The following HPCAL1 variants were observed in gnomAD, a reference collection of about 807,000 sequenced individuals.
HPCAL1 encodes hippocalcin like 1, also known as hippocalcin-like protein 1.
HPCAL1 carries 8 observed loss-of-function variants against 17.1 expected under a neutral mutation model. That is an observed-to-expected ratio of 0.47 (90% CI 0.27 to 0.84). The LOEUF is 0.84. Ranked by LOEUF, HPCAL1 falls within the 40% of genes least tolerant of loss-of-function variation. The pLI is 0.13. For missense variants in HPCAL1, 165 were observed against 271.1 expected, an observed-to-expected ratio of 0.61 and a Z score of 2.75; for synonymous variants, 112 against 111.4, an observed-to-expected ratio of 1.01 and a Z score of -0.03.
At chr2:10,333,465 T>G (rs1324104392) in intron 1 of HPCAL1, among the ~76,000 whole-genome samples, 1 of 152,106 alleles carries the variant, frequency 6.6e-6, no homozygotes, top group African/African-American at 2.4e-5. Flanking sequence ...TGCTGGCAGA[T>G]GTATCACCGT....
At chr2:10,356,433 GAGGACGGTGTGTGCC>G (rs1266696633) in intron 1 of HPCAL1, among the ~76,000 whole-genome samples, 1 of 152,146 alleles carries the variant, frequency 6.6e-6, no homozygotes, top group Non-Finnish European at 1.5e-5. Context: ...AAGCTTGAGG[GAGGACGGTGTGTGCC>G]AGGACGGTGG....
intron 1 of HPCAL1, among the ~76,000 whole-genome samples, chr2:10,361,647 C>T (rs1222773792): frequency 6.6e-6 from 1 of 152,130 alleles, no homozygotes; most frequent in Non-Finnish European, 1.5e-5. Flanking sequence ...TTGATAATCA[C>T]ATAAATAACG....
rs557167292 is a variant in HPCAL1, at chr2:10,419,662, T to G, written c.-24-72T>G. The G allele has an allele frequency of 6.9e-7, 1 of 1,441,628 alleles. No individual in the cohort carries two copies. Among genetic ancestry groups the G allele is most frequent in the East Asian group, 2.3e-5 (1 of 43,042 alleles). The allele number at this position is 1,441,628 out of a possible 1,614,324, so 89.3% of individuals were successfully genotyped here. On this transcript the variant is annotated intron_variant, in intron 2 of 4. Coordinates refer to ENST00000307845, the MANE Select transcript of HPCAL1 (RefSeq NM_002149.4). This position sits in a 1 kb window ranked among gnomAD's most constrained non-coding sequence, Gnocchi z 5.0. Reference sequence around the variant, plus strand: ...CTTGCACAGCGATGGGCTTATTTGGTCTCTCCGGCACATGGCTCAGCCCTG... The same window carrying G: ...CTTGCACAGCGATGGGCTTATTTGGGCTCTCCGGCACATGGCTCAGCCCTG...
chr2:10,369,086 G>A (rs932068905), intron 1 of HPCAL1: 3 of 152,140 alleles, frequency 2.0e-5, no homozygotes, highest in African/African-American at 2.4e-5. Flanking sequence ...GGCCACCTTC[G>A]CACTGGAACC....
intron 1 of HPCAL1, among the ~76,000 whole-genome samples, chr2:10,351,564 C>G (rs916639241): frequency 6.6e-6 from 1 of 152,070 alleles, no homozygotes; most frequent in Non-Finnish European, 1.5e-5. Context: ...TCCAGATCAG[C>G]CTGGGCAACA....
intron 1 of HPCAL1, among the ~76,000 whole-genome samples, chr2:10,321,896 T>C (rs1439976546): frequency 6.6e-6 from 1 of 152,258 alleles, no homozygotes; most frequent in Non-Finnish European, 1.5e-5. Context: ...CTGTTTTCAC[T>C]TTTGGCTATT....
chr2:10,388,657 C>G (rs1279172944), intron 1 of HPCAL1, among the ~76,000 whole-genome samples: 1 of 152,204 alleles, frequency 6.6e-6, no homozygotes, highest in Admixed American at 6.5e-5. Context: ...AGTTTTCCTA[C>G]AACAATTGTG....
chr2:10,330,563 C>T lies in HPCAL1; in HGVS notation c.-111+27386C>T, dbSNP rs77923053. On this transcript the variant is annotated intron_variant, in intron 1 of 4. Coordinates refer to ENST00000307845, the MANE Select transcript of HPCAL1 (RefSeq NM_002149.4). This position sits in a 1 kb window ranked among gnomAD's most constrained non-coding sequence, Gnocchi z 4.2. ...CACCCGAGGCCTCTCTCCTCGGCTC[C>T]GTGTAGCCCTTTCTCCCTCTGTTCT... 1.6e-3 allele frequency among the ~76,000 whole-genome samples: 246 copies of T among 152,232 alleles called. 1 individual carries two copies. Among genetic ancestry groups the T allele is most frequent in the African/African-American group, 5.2e-3 (216 of 41,528 alleles).
rs998206485 is a variant in HPCAL1, at chr2:10,362,753, G to A, written c.-110-34082G>A. On this transcript the variant is annotated intron_variant, in intron 1 of 4. Transcript: ENST00000307845. The surrounding 1 kb of genome is among the most constrained non-coding windows in gnomAD (Gnocchi z 5.0). ...TCCTGGCACCTTCCCCAGCCCAGACGCTGAGGAGGGCAGCCAGAAGCCCCT... is the reference window on the plus strand; with the variant it reads ...TCCTGGCACCTTCCCCAGCCCAGACACTGAGGAGGGCAGCCAGAAGCCCCT... Among the ~76,000 whole-genome samples, 2 of 152,210 alleles carry A rather than the reference G, an allele frequency of 1.3e-5. No homozygotes were observed. Among genetic ancestry groups the A allele is most frequent in the East Asian group, 1.9e-4 (1 of 5,184 alleles).
chr2:10,419,583 T>A lies in HPCAL1; in HGVS notation c.-24-151T>A, dbSNP rs2148030698. Among the ~76,000 whole-genome samples the A allele has an allele frequency of 6.6e-6, 1 of 152,054 alleles. No individual in the cohort carries two copies. The highest frequency in any genetic ancestry group is 1.5e-5 in the Non-Finnish European group (1 of 67,972). ...GTCTCTTGGCCTTCTTGGTGGTCCA[T>A]AAGATAGCGGCATGCCTTCCGATGG... On this transcript the variant is annotated intron_variant, in intron 2 of 4. Transcript: ENST00000307845. The surrounding 1 kb of genome is among the most constrained non-coding windows in gnomAD (Gnocchi z 5.0).
chr2:10,360,271 G>A (rs1666439002), intron 1 of HPCAL1, among the ~76,000 whole-genome samples: 1 of 152,238 alleles, frequency 6.6e-6, no homozygotes, highest in East Asian at 1.9e-4. Flanking sequence ...CAGGCAGGGT[G>A]AGCCGAAGGG....
At position 10,331,481 on chromosome 2, in the gene HPCAL1, C is replaced by A. The variant is rs1322552717; in HGVS notation, c.-111+28304C>A. 6.6e-6 allele frequency among the ~76,000 whole-genome samples: 1 copy of A among 152,228 alleles called. No individual in the cohort carries two copies. Among genetic ancestry groups the A allele is most frequent in the Non-Finnish European group, 1.5e-5 (1 of 68,046 alleles). ...CTGAACCCAGGAGACACTCAGGAAA[C>A]CTTGCTGGTGGAACGGATGCAGCAG... On this transcript the variant is annotated intron_variant, in intron 1 of 4. Coordinates refer to ENST00000307845, the MANE Select transcript of HPCAL1 (RefSeq NM_002149.4). The surrounding 1 kb of genome is among the most constrained non-coding windows in gnomAD (Gnocchi z 5.0).
intron 1 of HPCAL1, among the ~76,000 whole-genome samples, chr2:10,337,487 C>T (rs138977808): frequency 7.2e-5 from 11 of 152,252 alleles, no homozygotes; most frequent in Admixed American, 1.3e-4. Context: ...GGTTGCCCAC[C>T]GTGACTATAA....
chr2:10,335,769 C>A (rs1431017401), intron 1 of HPCAL1, among the ~76,000 whole-genome samples: 1 of 152,198 alleles, frequency 6.6e-6, no homozygotes, highest in Non-Finnish European at 1.5e-5. Flanking sequence ...TTTCCTCATA[C>A]CTCTCCGGCA....
At chr2:10,418,593 G>C (rs988656459) in intron 2 of HPCAL1, among the ~76,000 whole-genome samples, 2 of 152,128 alleles carry the variant, frequency 1.3e-5, no homozygotes, top group Non-Finnish European at 2.9e-5. Flanking sequence ...AGTTCAAAGT[G>C]GTTGCCACTG....
intron 2 of HPCAL1, among the ~76,000 whole-genome samples, chr2:10,417,098 C>T (rs1380189806): frequency 2.0e-5 from 3 of 152,136 alleles, no homozygotes; most frequent in African/African-American, 4.8e-5. Flanking sequence ...CACAGTGGCT[C>T]ACACCTGTAA....
At chr2:10,325,276 C>G (rs1012549945) in intron 1 of HPCAL1, among the ~76,000 whole-genome samples, 1 of 152,210 alleles carries the variant, frequency 6.6e-6, no homozygotes, top group African/African-American at 2.4e-5. Context: ...GCGATCCTCC[C>G]GACATCGTAA....
At chr2:10,396,035 G>A (rs1056572108) in intron 1 of HPCAL1, among the ~76,000 whole-genome samples, 5 of 152,204 alleles carry the variant, frequency 3.3e-5, no homozygotes, top group Non-Finnish European at 7.3e-5. Flanking sequence ...CCGAGTTCAC[G>A]CCACGTGAAA....
intron 1 of HPCAL1, among the ~76,000 whole-genome samples, chr2:10,392,702 CAAG>C (rs1668781992): frequency 6.9e-6 from 1 of 144,482 alleles, no homozygotes; most frequent in Non-Finnish European, 1.5e-5. Context: ...GATAACAGGT[CAAG>C]GTCACACTGT....
Sources: gnomAD v4.1 joint callset for allele counts (sites outside exome capture counted in the v4.1 genomes callset) on GRCh38, gnomAD v4.1.1 for gene constraint, Gnocchi (gnomAD v3.1) non-coding constraint, MANE v1.5 for transcripts, NCBI Gene and HGNC (gene_info 2026-07-23, HGNC 2026-07-21) for gene names.